The following NPAS2 variants were observed in gnomAD, a reference collection of about 807,000 sequenced individuals.
NPAS2 encodes neuronal PAS domain protein 2.
In NPAS2, 23 loss-of-function variants were observed where a neutral mutation model predicts 107.5. The ratio of observed to expected loss-of-function variants is 0.21; its 90% confidence interval spans 0.15 to 0.30. The LOEUF (loss-of-function observed/expected upper bound fraction) is 0.30, where lower values mean the gene tolerates loss of function less well. Ranked by LOEUF, NPAS2 falls within the 10% of genes least tolerant of loss-of-function variation. The pLI is 1.00. For synonymous variants in NPAS2, 403 were observed against 417.5 expected (o/e 0.97, Z 0.42); for missense variants, 756 against 1,043.3 (o/e 0.72, Z 3.79).
Position 100,988,151 on chromosome 2 carries a change from C to A in NPAS2, c.1702C>A (p.Gln568Lys). 2.5e-6 allele frequency: 4 copies of A among 1,614,218 alleles called. No individual in the cohort carries two copies. The highest frequency in any genetic ancestry group is 3.4e-6 in the Non-Finnish European group (4 of 1,180,012). ...GCGACCTGAGGCTCAGCAGCAGCTA[C>A]AGCAAAGGTCAGCTGCAGTGACTCA... ...TQRPEAQQQL[Q>K]QRSAAVTQPQ... Residue 568 changes from glutamine (Q) to lysine (K), a missense_variant, in exon 17 of 21, where the codon CAG becomes AAG. Transcript: ENST00000335681.
At chr2:100,927,744 C>G (rs1405076194) in intron 3 of NPAS2, among the ~76,000 whole-genome samples, 2 of 152,198 alleles carry the variant, frequency 1.3e-5, no homozygotes, top group Non-Finnish European at 2.9e-5. Context: ...GAGCTCACAT[C>G]TTTCTCAAAT....
intron 1 of NPAS2, among the ~76,000 whole-genome samples, chr2:100,874,254 A>G (rs2104592336): frequency 6.6e-6 from 1 of 152,160 alleles, no homozygotes; most frequent in South Asian, 2.1e-4. Flanking sequence ...CAAAGTATAT[A>G]TAACCAACTC....
intron 1 of NPAS2, chr2:100,878,661 A>T (rs966561246): frequency 1.0e-6 from 1 of 979,836 alleles, no homozygotes; most frequent in African/African-American, 1.8e-5. Context: ...TTTCAAAAAA[A>T]GTTTTCTAAT....
chr2:100,832,571 G>C lies in NPAS2; in HGVS notation c.-23+12157G>C, dbSNP rs564771465. On this transcript the variant is annotated intron_variant, in intron 1 of 20. Coordinates refer to ENST00000335681, the MANE Select transcript of NPAS2 (RefSeq NM_002518.4). ...TGGTATATACACAGTCCCTCGGTGGGAGTTGTTGGTTAGCCTTCCAACTGT... is the reference window on the plus strand; with the variant it reads ...TGGTATATACACAGTCCCTCGGTGGCAGTTGTTGGTTAGCCTTCCAACTGT... 2.7e-4 allele frequency among the ~76,000 whole-genome samples: 41 copies of C among 152,162 alleles called. No homozygotes were observed. In the South Asian group the frequency reaches 7.9e-3, roughly 29 times the overall value.
intron 1 of NPAS2, among the ~76,000 whole-genome samples, chr2:100,902,257 G>C (rs999987274): frequency 1.3e-5 from 2 of 152,088 alleles, no homozygotes; most frequent in Non-Finnish European, 2.9e-5. Context: ...TAAGTAAAAG[G>C]GTGACTCTAA....
At chr2:100,840,603 A>AT (rs36087386) in intron 1 of NPAS2, among the ~76,000 whole-genome samples, 22,010 of 145,558 alleles carry the variant, frequency 0.15, 1,626 homozygotes, top group East Asian at 0.23. Flanking sequence ...CACAGCCCCC[A>AT]TTTTTTTTTT....
At chr2:100,819,337 C>A (rs3811558), upstream of NPAS2, among the ~76,000 whole-genome samples, 1 of 151,786 alleles carries the variant, frequency 6.6e-6, no homozygotes, top group African/African-American at 2.4e-5. This position sits in a 1 kb window ranked among gnomAD's most constrained non-coding sequence, Gnocchi z 5.8. Context: ...GGCAATTAGC[C>A]GGTTCCTTTC....
chr2:100,944,141 A>G (rs1032367604), intron 5 of NPAS2, among the ~76,000 whole-genome samples: 1 of 152,154 alleles, frequency 6.6e-6, no homozygotes. Flanking sequence ...ATATGCCTCC[A>G]ACTTCCTGGA....
intron 1 of NPAS2, among the ~76,000 whole-genome samples, chr2:100,857,151 CA>C (rs1278620197): frequency 6.6e-6 from 1 of 151,980 alleles, no homozygotes; most frequent in Non-Finnish European, 1.5e-5. Flanking sequence ...ACTAAAAATA[CA>C]AAAATTAGCC....
chr2:100,959,983 A>C, intron 7 of NPAS2, among the ~76,000 whole-genome samples: 1 of 152,162 alleles, frequency 6.6e-6, no homozygotes, highest in East Asian at 1.9e-4. Context: ...GCCCTTTGAA[A>C]AAAGTTCTCT....
intron 2 of NPAS2, among the ~76,000 whole-genome samples, chr2:100,916,657 AC>A: frequency 6.6e-6 from 1 of 152,326 alleles, no homozygotes; most frequent in Admixed American, 6.5e-5. Context: ...TAGTAATAGA[AC>A]TAGTAGAGTA....
At chr2:100,978,500 C>G (rs1201889682) in intron 15 of NPAS2, among the ~76,000 whole-genome samples, 2 of 151,032 alleles carry the variant, frequency 1.3e-5, no homozygotes, top group Non-Finnish European at 2.9e-5. Flanking sequence ...GAGTCCAGCA[C>G]TATAAATATC....
intron 5 of NPAS2, among the ~76,000 whole-genome samples, chr2:100,940,708 C>T (rs1030541965): frequency 6.6e-6 from 1 of 152,182 alleles, no homozygotes; most frequent in African/African-American, 2.4e-5. Flanking sequence ...GAATAATTTA[C>T]CCAAGGTTCC....
At chr2:100,934,376 T>A (rs1012211077) in intron 4 of NPAS2, among the ~76,000 whole-genome samples, 6 of 151,920 alleles carry the variant, frequency 3.9e-5, no homozygotes, top group Admixed American at 3.9e-4. Context: ...AGGGCTTTTG[T>A]AAAGTTAAAA....
intron 16 of NPAS2, 81 bp from the exon 17 acceptor site, chr2:100,987,998 G>C: frequency 1.4e-6 from 2 of 1,459,230 alleles, no homozygotes. Context: ...AGTTCTTACT[G>C]GCACAGGGAA....
intron 4 of NPAS2, 139 bp from the exon 5 acceptor site, chr2:100,937,614 G>A (rs1684408842): frequency 2.9e-6 from 2 of 696,078 alleles, no homozygotes; most frequent in Non-Finnish European, 5.2e-6. Flanking sequence ...AGGCCAAGAA[G>A]TGCCGTGAGG....
At chr2:100,926,962 A>T (rs1258011832) in intron 3 of NPAS2, among the ~76,000 whole-genome samples, 4 of 121,332 alleles carry the variant, frequency 3.3e-5, no homozygotes, top group Admixed American at 9.2e-5. Context: ...TTTTTTTGAG[A>T]CAGTCTTGTT....
chr2:100,880,189 G>T (rs958679313), intron 1 of NPAS2, among the ~76,000 whole-genome samples: 1 of 152,216 alleles, frequency 6.6e-6, no homozygotes, highest in Admixed American at 6.5e-5. Flanking sequence ...AACTGGTGCA[G>T]CCGCTGTGGA....
chr2:100,946,029 G>C (rs757695653), intron 5 of NPAS2, among the ~76,000 whole-genome samples: 1 of 152,182 alleles, frequency 6.6e-6, no homozygotes, highest in African/African-American at 2.4e-5. Context: ...AGAGGGAGGC[G>C]GAATGCTCAA....
Sources: gnomAD v4.1 joint callset for allele counts (sites outside exome capture counted in the v4.1 genomes callset) on GRCh38, gnomAD v4.1.1 for gene constraint, Gnocchi (gnomAD v3.1) non-coding constraint, MANE v1.5 for transcripts, NCBI Gene and HGNC (gene_info 2026-07-23, HGNC 2026-07-21) for gene names.